MTARC1: variants seen among roughly 807,000 people sequenced by gnomAD.
MTARC1 encodes mitochondrial amidoxime-reducing component 1.
A neutral mutation model predicts 33.6 loss-of-function variants in MTARC1; 24 were observed. The ratio of observed to expected loss-of-function variants is 0.72; its 90% CI spans 0.52 to 1.01. MTARC1 has a LOEUF of 1.01. Among genes scored for constraint, MTARC1 ranks in the 50% least tolerant of loss-of-function variants. MTARC1 has a pLI of 0.00. For synonymous variants in MTARC1, 187 were observed against 189.5 expected, an observed-to-expected ratio of 0.99 and a Z score of 0.11; for missense variants, 417 against 445.7, an observed-to-expected ratio of 0.94 and a Z score of 0.58.
At chr1:220,804,988 C>A in intron 4 of MTARC1, 64 bp from the exon 5 acceptor site, 1 of 1,570,628 alleles carries the variant, frequency 6.4e-7, no homozygotes, top group Non-Finnish European at 8.8e-7. Context: ...CCTGGGAAAT[C>A]TCTACACACG....
chr1:220,810,807 T>A (rs1195272287), intron 6 of MTARC1, among the ~76,000 whole-genome samples: 1 of 152,130 alleles, frequency 6.6e-6, no homozygotes, highest in East Asian at 1.9e-4. Context: ...CAGGGTTACA[T>A]CCTGGGTGGG....
chr1:220,810,218 C>T (rs1673087051), intron 6 of MTARC1, among the ~76,000 whole-genome samples: 1 of 152,294 alleles, frequency 6.6e-6, no homozygotes, highest in East Asian at 1.9e-4. Context: ...TTTAAAAAAT[C>T]GTAGAAGACC....
intron 4 of MTARC1, among the ~76,000 whole-genome samples, chr1:220,799,615 A>G (rs1332594049): frequency 6.6e-6 from 1 of 152,120 alleles, no homozygotes; most frequent in Non-Finnish European, 1.5e-5. Context: ...TATCATTCCT[A>G]TCTTACAGGA....
intron 6 of MTARC1, among the ~76,000 whole-genome samples, chr1:220,808,701 C>A (rs1387342193): frequency 6.6e-6 from 1 of 152,182 alleles, no homozygotes; most frequent in Non-Finnish European, 1.5e-5. Flanking sequence ...TGTTAGTCAC[C>A]CACAGGCAGA....
In MTARC1 at chr1:220,797,999, C is replaced by T. The variant is rs754433799; in HGVS notation, c.738C>T (p.Cys246=). The change falls in exon 4 of 7, where the codon TGC becomes TGT. Residue 246 remains cysteine, a synonymous_variant. Coordinates refer to ENST00000366910, the MANE Select transcript of MTARC1 (RefSeq NM_022746.4). ...GGCCCAATATTGTAATTTCAGGATG[C>T]GATGTCTATGCAGAGGTAACACTAT... ...NFRPNIVISG[C]DVYAEDSWDE... The T allele has an allele frequency of 2.4e-5, 39 of 1,614,176 alleles. No homozygotes were observed. Among genetic ancestry groups the T allele is most frequent in the African/African-American group, 2.1e-4 (16 of 75,040 alleles).
chr1:220,788,011 A>G (rs7526347), intron 1 of MTARC1, among the ~76,000 whole-genome samples: 17,858 of 152,004 alleles, frequency 0.12, 1,611 homozygotes, highest in East Asian at 0.24. Context: ...CCGAATCAAA[A>G]AAAGAAAGAA....
In MTARC1 at chr1:220,797,873, G is replaced by A. The variant is rs1229120370; in HGVS notation, c.613-1G>A. 2 of 1,614,000 alleles carry A rather than the reference G, an allele frequency of 1.2e-6. No homozygotes were observed. Among genetic ancestry groups the A allele is most frequent in the East Asian group, 4.5e-5 (2 of 44,902 alleles). On this transcript the variant is annotated splice_acceptor_variant, in intron 3 of 6. Coordinates refer to ENST00000366910, the MANE Select transcript of MTARC1 (RefSeq NM_022746.4). LOFTEE classifies it high-confidence loss of function. ...TATAACAATGTCTATTTCCTTATCA[G>A]ATTGCTTACTCAGACACCAGCCCAT...
At chr1:220,802,711 A>G (rs1367286052) in intron 4 of MTARC1, among the ~76,000 whole-genome samples, 1 of 152,158 alleles carries the variant, frequency 6.6e-6, no homozygotes, top group Non-Finnish European at 1.5e-5. Flanking sequence ...AGAGCGTGAC[A>G]GTCGGCCCTG....
intron 6 of MTARC1, among the ~76,000 whole-genome samples, chr1:220,806,079 GT>G (rs1672963010): frequency 6.6e-6 from 1 of 152,208 alleles, no homozygotes; most frequent in African/African-American, 2.4e-5. Flanking sequence ...ATGGAAAAGG[GT>G]TATTCTCATA....
intron 1 of MTARC1, among the ~76,000 whole-genome samples, chr1:220,787,549 C>T (rs1253783845): frequency 1.3e-5 from 2 of 152,120 alleles, no homozygotes; most frequent in Non-Finnish European, 2.9e-5. Context: ...TTCTTAATCT[C>T]CATTTAGTGG....
At chr1:220,802,231 G>A (rs2102600641) in intron 4 of MTARC1, among the ~76,000 whole-genome samples, 1 of 152,284 alleles carries the variant, frequency 6.6e-6, no homozygotes, top group Admixed American at 6.5e-5. Context: ...TCCCTCTGGA[G>A]TGCTGCACCA....
chr1:220,801,091 C>T (rs904336474), intron 4 of MTARC1, among the ~76,000 whole-genome samples: 1 of 152,198 alleles, frequency 6.6e-6, no homozygotes, highest in Non-Finnish European at 1.5e-5. Context: ...TCATGGTTCT[C>T]CACCTTTCTT....
At chr1:220,808,402 G>T (rs1673033028) in intron 6 of MTARC1, among the ~76,000 whole-genome samples, 1 of 152,214 alleles carries the variant, frequency 6.6e-6, no homozygotes, top group African/African-American at 2.4e-5. Context: ...GCCAGCCTAG[G>T]TGTCTTCTCC....
At chr1:220,804,083 G>A (rs981689662) in intron 4 of MTARC1, among the ~76,000 whole-genome samples, 1 of 152,214 alleles carries the variant, frequency 6.6e-6, no homozygotes, top group South Asian at 2.1e-4. Context: ...TTCTCTCCGA[G>A]GGTAAGAAGG....
chr1:220,809,440 G>A (rs1158052429), intron 6 of MTARC1, among the ~76,000 whole-genome samples: 9 of 152,132 alleles, frequency 5.9e-5, no homozygotes, highest in Admixed American at 5.9e-4. Flanking sequence ...AGCCTCTGGA[G>A]GTTCAGTGTG....
At chr1:220,794,851 A>G (rs923713107) in intron 2 of MTARC1, among the ~76,000 whole-genome samples, 23 of 152,178 alleles carry the variant, frequency 1.5e-4, no homozygotes, top group Admixed American at 1.0e-3. Flanking sequence ...GTGAAAAGGT[A>G]TCAAGTCATA....
chr1:220,811,815 C>G (rs1673142676), intron 6 of MTARC1, among the ~76,000 whole-genome samples: 3 of 152,288 alleles, frequency 2.0e-5, no homozygotes, highest in Middle Eastern at 3.4e-3. Context: ...TATACTGCCT[C>G]TGACAGACGG....
intron 2 of MTARC1, among the ~76,000 whole-genome samples, chr1:220,794,538 CTT>C (rs59339230): frequency 1.4e-5 from 2 of 146,042 alleles, no homozygotes; most frequent in African/African-American, 2.5e-5. Context: ...ACGATAGGAT[CTT>C]TTTTTTTTTT....
chr1:220,792,501 C>T (rs149474441), intron 2 of MTARC1, among the ~76,000 whole-genome samples: 35 of 152,248 alleles, frequency 2.3e-4, no homozygotes, highest in African/African-American at 8.4e-4. Context: ...TGAACAACGT[C>T]TAAAGACCCA....
Sources: gnomAD v4.1 joint callset for allele counts (sites outside exome capture counted in the v4.1 genomes callset) on GRCh38, gnomAD v4.1.1 for gene constraint, MANE v1.5 for transcripts, NCBI Gene and HGNC (gene_info 2026-07-23, HGNC 2026-07-21) for gene names.